DLG1: variants seen among roughly 807,000 people sequenced by gnomAD.
The protein encoded by DLG1 is disks large homolog 1.
A neutral mutation model predicts 123.4 loss-of-function variants in DLG1; 42 were observed. That is an observed-to-expected ratio of 0.34 (90% confidence interval 0.27 to 0.44). The LOEUF (loss-of-function observed/expected upper bound fraction) is 0.44, where lower values mean the gene tolerates loss of function less well. Ranked by LOEUF, DLG1 falls within the 20% of genes least tolerant of loss-of-function variation. The pLI is 1.00. For synonymous variants in DLG1, 317 were observed against 356.2 expected (o/e 0.89, Z 1.24); for missense variants, 942 against 1,082.6 (o/e 0.87, Z 1.82).
At chr3:197,050,434 A>G (rs898260994) in intron 24 of DLG1, among the ~76,000 whole-genome samples, 3 of 152,114 alleles carry the variant, frequency 2.0e-5, no homozygotes, top group Non-Finnish European at 4.4e-5. Flanking sequence ...ATATATATAT[A>G]TATGTATGTA....
At chr3:197,239,462 C>T (rs138242837) in intron 4 of DLG1, among the ~76,000 whole-genome samples, 4 of 152,284 alleles carry the variant, frequency 2.6e-5, no homozygotes, top group Non-Finnish European at 5.9e-5. Context: ...GGACTACTCA[C>T]TCCTAAACTC....
intron 4 of DLG1, among the ~76,000 whole-genome samples, chr3:197,275,865 A>T (rs1766173724): frequency 6.6e-6 from 1 of 152,266 alleles, no homozygotes; most frequent in African/African-American, 2.4e-5. Flanking sequence ...CAAAATAGCT[A>T]GAAGAGAAAA....
rs528403901 is a variant in DLG1, at chr3:197,094,274, G to C, written c.1547-3248C>G. Among the ~76,000 whole-genome samples the C allele has an allele frequency of 7.9e-5, 12 of 152,246 alleles. No individual in the cohort carries two copies. The South Asian group carries it at 8.3e-4, about 11-fold the overall frequency. On this transcript the variant is annotated intron_variant, in intron 14 of 24. Transcript: ENST00000667157. ...TCCTAACCTACAAAACCTATTAAAA[G>C]GCTGTTTTAACCTATTAAGCTTGGG...
chr3:197,062,231 T>TTACTC (rs1314748385), intron 22 of DLG1, among the ~76,000 whole-genome samples: 2 of 152,184 alleles, frequency 1.3e-5, no homozygotes, highest in African/African-American at 4.8e-5. Context: ...CTCAGAACAC[T>TTACTC]TACTCTACAG....
intron 4 of DLG1, among the ~76,000 whole-genome samples, chr3:197,201,053 G>C (rs571057877): frequency 6.6e-6 from 1 of 152,306 alleles, no homozygotes; most frequent in South Asian, 2.1e-4. Context: ...AATTATTCCT[G>C]TTTGCTGATG....
chr3:197,190,151 ATCTT>A (rs1338216290), intron 5 of DLG1, among the ~76,000 whole-genome samples: 1 of 152,222 alleles, frequency 6.6e-6, no homozygotes, highest in East Asian at 1.9e-4. Context: ...AGCAGTGAAA[ATCTT>A]AAAGTATGAA....
Position 197,158,440 on chromosome 3 carries a change from T to C in DLG1, c.484-8644A>G, listed in dbSNP as rs532501933. 1.6e-4 allele frequency among the ~76,000 whole-genome samples: 21 copies of C among 131,688 alleles called. 1 individual carries two copies. Among genetic ancestry groups the C allele is most frequent in the Middle Eastern group, 4.0e-3 (1 of 248 alleles). 86.4% of individuals were successfully genotyped at this position (131,688 alleles called of 152,430 possible). On this transcript the variant is annotated intron_variant, in intron 5 of 24. Transcript: ENST00000667157. ...GAGTTTGAGGCCAGTCTGACCAACA[T>C]GGAGAAACCTCGTCTCTACTTAAAA...
intron 2 of DLG1, 135 bp downstream of exon 2, chr3:197,297,051 A>T: frequency 1.1e-6 from 1 of 913,530 alleles, no homozygotes; most frequent in South Asian, 1.5e-5. Context: ...TATGAGGCTT[A>T]GATTCCCTAA....
At chr3:197,169,290 T>C (rs1160230551) in intron 5 of DLG1, among the ~76,000 whole-genome samples, 1 of 152,238 alleles carries the variant, frequency 6.6e-6, no homozygotes, top group East Asian at 1.9e-4. Context: ...GTTTTCATTA[T>C]GTGCATATGA....
chr3:197,281,621 T>C (rs539861205), intron 4 of DLG1, among the ~76,000 whole-genome samples: 1 of 151,978 alleles, frequency 6.6e-6, no homozygotes, highest in Non-Finnish European at 1.5e-5. Context: ...GTAAAGAAAA[T>C]AAGGATATAC....
intron 14 of DLG1, among the ~76,000 whole-genome samples, chr3:197,102,963 A>T (rs1222544674): frequency 6.6e-6 from 1 of 152,224 alleles, no homozygotes; most frequent in Non-Finnish European, 1.5e-5. Flanking sequence ...ACATTTTTAC[A>T]GGTTTTAAAA....
intron 3 of DLG1, among the ~76,000 whole-genome samples, chr3:197,285,045 A>AAAAAAAAC (rs1560155797): frequency 6.8e-6 from 1 of 148,054 alleles, no homozygotes. Flanking sequence ...AAAAAAAAAA[A>AAAAAAAAC]AACTGGAAAT....
At chr3:197,158,970 T>C (rs1797663441) in intron 5 of DLG1, among the ~76,000 whole-genome samples, 1 of 152,168 alleles carries the variant, frequency 6.6e-6, no homozygotes, top group Non-Finnish European at 1.5e-5. Context: ...AATAAGCCTC[T>C]GGATTTAATA....
chr3:197,263,368 C>T (rs1046749464), intron 4 of DLG1, among the ~76,000 whole-genome samples: 7 of 151,922 alleles, frequency 4.6e-5, no homozygotes, highest in African/African-American at 1.7e-4. Context: ...GGAGGAGGGT[C>T]TCAACTTCCT....
At chr3:197,115,276 A>G (rs1772578187) in intron 13 of DLG1, among the ~76,000 whole-genome samples, 1 of 152,170 alleles carries the variant, frequency 6.6e-6, no homozygotes, top group South Asian at 2.1e-4. Context: ...CAGTAGAACT[A>G]TAGGTAAGTT....
chr3:197,193,695 A>T (rs1720877936), intron 5 of DLG1, among the ~76,000 whole-genome samples: 1 of 152,234 alleles, frequency 6.6e-6, no homozygotes, highest in African/African-American at 2.4e-5. Flanking sequence ...ATTGATTAGC[A>T]ATCGAAATAT....
intron 4 of DLG1, among the ~76,000 whole-genome samples, chr3:197,213,823 A>G (rs1732574288): frequency 6.6e-6 from 1 of 152,208 alleles, no homozygotes. Flanking sequence ...CAAAATATCA[A>G]TACAGTTTTA....
chr3:197,115,574 A>G (rs73084556), intron 13 of DLG1, among the ~76,000 whole-genome samples: 2,435 of 152,316 alleles, frequency 0.016, 69 homozygotes, highest in African/African-American at 0.054. Context: ...TAAAAAAATC[A>G]TATTTGGATA....
chr3:197,183,778 G>A, intron 5 of DLG1: 1 of 1,550,418 alleles, frequency 6.4e-7, no homozygotes, highest in Non-Finnish European at 8.7e-7. Flanking sequence ...CGAGAGTATA[G>A]AAGTGTGTTG....
Sources: allele counts gnomAD v4.1 joint callset (sites outside exome capture counted in the v4.1 genomes callset), GRCh38; gene constraint gnomAD v4.1.1; transcripts MANE v1.5; gene names NCBI Gene and HGNC (gene_info 2026-07-23, HGNC 2026-07-21).